Variants in TNFAIP8 observed in about 807,000 individuals in gnomAD.
The protein encoded by TNFAIP8 is tumor necrosis factor alpha-induced protein 8.
A neutral mutation model predicts 13.3 loss-of-function variants in TNFAIP8; 7 were observed. The observed-to-expected ratio is 0.52, with a 90% CI of 0.30 to 0.99. The LOEUF (loss-of-function observed/expected upper bound fraction) is 0.99. TNFAIP8 is among the 50% of genes least tolerant of loss of function. The pLI, the probability that TNFAIP8 is intolerant of heterozygous loss-of-function variation, is 0.07. For synonymous variants in TNFAIP8, 94 were observed against 87.6 expected, an observed-to-expected ratio of 1.07 and a Z score of -0.41; for missense variants, 258 against 236.9, an observed-to-expected ratio of 1.09 and a Z score of -0.58.
At chr5:119,368,284 G>T (rs766716950) in intron 1 of TNFAIP8, among the ~76,000 whole-genome samples, 9 of 151,646 alleles carry the variant, frequency 5.9e-5, no homozygotes, top group African/African-American at 2.2e-4. Flanking sequence ...TTGGCATCTT[G>T]TTGCCTACAG....
At position 119,392,854 on chromosome 5, in the gene TNFAIP8, C is replaced by G. The variant is rs1256683932; in HGVS notation, c.70C>G (p.Gln24Glu). Residue 24 changes from glutamine (Q) to glutamate (E), a missense_variant, in exon 2 of 2, where the codon CAG becomes GAG. Coordinates refer to ENST00000504771, the MANE Select transcript of TNFAIP8 (RefSeq NM_014350.4). Reference sequence around the variant, plus strand: ...CTTTAATTCCAAAAACCTGGCCGTTCAGGCACAAAAGAAGATCTTGGGTAA... The same window carrying G: ...CTTTAATTCCAAAAACCTGGCCGTTGAGGCACAAAAGAAGATCTTGGGTAA... ...DVFNSKNLAV[Q>E]AQKKILGKMV... 10 of 1,557,690 alleles carry G rather than the reference C, an allele frequency of 6.4e-6. No individual in the cohort carries two copies. The highest frequency in any genetic ancestry group is 8.7e-6 in the Non-Finnish European group (10 of 1,151,346).
intron 1 of TNFAIP8, among the ~76,000 whole-genome samples, chr5:119,345,323 TC>T (rs1374202421): frequency 6.6e-6 from 1 of 152,158 alleles, no homozygotes; most frequent in Non-Finnish European, 1.5e-5. Flanking sequence ...ATATGACAGT[TC>T]CTTTAAAAAT....
rs1319669733 is a variant in TNFAIP8 at position 119,399,508 on chromosome 5, T to A, written c.*6127T>A. 6.6e-6 allele frequency: 1 copy of A among 152,140 alleles called. No individual in the cohort carries two copies. Among genetic ancestry groups the A allele is most frequent in the Admixed American group, 6.5e-5 (1 of 15,270 alleles). 9.4% of individuals were successfully genotyped at this position (152,140 alleles called of 1,614,324 possible). A position where few individuals can be genotyped will look rare whatever the true frequency, so the allele number is the denominator to read the frequency against. The stretch of plus-strand genomic sequence containing the variant: ...AAAAGAAGACTGAGTCTAAAATAAA[T>A]GAAGCAACAGACTTCAGCAGCCTGA... On this transcript the variant is annotated 3_prime_UTR_variant, in exon 2 of 2. Coordinates refer to ENST00000504771, the MANE Select transcript of TNFAIP8 (RefSeq NM_014350.4).
At chr5:119,334,730 G>A (rs1360717521) in intron 1 of TNFAIP8, among the ~76,000 whole-genome samples, 3 of 150,778 alleles carry the variant, frequency 2.0e-5, no homozygotes, top group East Asian at 2.0e-4. Context: ...GCCGAGAATC[G>A]CACCACTGCA....
At chr5:119,368,937 G>C (rs927770760) in intron 1 of TNFAIP8, among the ~76,000 whole-genome samples, 1 of 151,988 alleles carries the variant, frequency 6.6e-6, no homozygotes, top group Non-Finnish European at 1.5e-5. Context: ...TAAAACTCCG[G>C]CCTTTTGAAA....
chr5:119,279,315 C>T (rs1361580677), intron 1 of TNFAIP8, among the ~76,000 whole-genome samples: 1 of 152,196 alleles, frequency 6.6e-6, no homozygotes, highest in Non-Finnish European at 1.5e-5. Context: ...CCCTCTTTTT[C>T]TGTGAACTCT....
intron 1 of TNFAIP8, among the ~76,000 whole-genome samples, chr5:119,318,275 T>C (rs1749956992): frequency 6.6e-6 from 1 of 151,876 alleles, no homozygotes; most frequent in Non-Finnish European, 1.5e-5. Context: ...TATATCAGCC[T>C]TTTGTTCTAG....
chr5:119,377,332 G>A (rs1326678276), intron 1 of TNFAIP8, among the ~76,000 whole-genome samples: 1 of 151,754 alleles, frequency 6.6e-6, no homozygotes, highest in East Asian at 1.9e-4. Flanking sequence ...GAGCTTAGGA[G>A]GTCAGAGTGA....
chr5:119,377,415 A>C (rs555528593), intron 1 of TNFAIP8, among the ~76,000 whole-genome samples: 3 of 152,170 alleles, frequency 2.0e-5, no homozygotes, highest in Middle Eastern at 3.4e-3. Context: ...GTAAAAAAAA[A>C]ATAAAAAATA....
chr5:119,336,971 T>G (rs1750571398), intron 1 of TNFAIP8, among the ~76,000 whole-genome samples: 1 of 152,240 alleles, frequency 6.6e-6, no homozygotes, highest in Admixed American at 6.5e-5. Flanking sequence ...TTAGATCTTA[T>G]GACCATTGTC....
In TNFAIP8 at chr5:119,382,008, A is replaced by G. The variant is rs142770522; in HGVS notation, c.32-10808A>G. Among the ~76,000 whole-genome samples, 795 of 152,212 alleles carry G rather than the reference A, an allele frequency of 5.2e-3. 10 individuals carry two copies. Among genetic ancestry groups the G allele is most frequent in the African/African-American group, 0.018 (749 of 41,532 alleles). ...TTAACAAGCTATATATAATGTTTCAATTTTTTCTAAAATTCATAGGAGACA... is the reference window on the plus strand; with the variant it reads ...TTAACAAGCTATATATAATGTTTCAGTTTTTTCTAAAATTCATAGGAGACA... On this transcript the variant is annotated intron_variant, in intron 1 of 1. Coordinates refer to ENST00000504771, the MANE Select transcript of TNFAIP8 (RefSeq NM_014350.4).
At chr5:119,363,698 A>C (rs1308798074) in intron 1 of TNFAIP8, among the ~76,000 whole-genome samples, 1 of 152,176 alleles carries the variant, frequency 6.6e-6, no homozygotes, top group East Asian at 1.9e-4. Context: ...CAGTTTTCCA[A>C]ATTTCAGCGG....
intron 1 of TNFAIP8, among the ~76,000 whole-genome samples, chr5:119,342,060 C>T (rs1750756337): frequency 6.6e-6 from 1 of 151,974 alleles, no homozygotes; most frequent in African/African-American, 2.4e-5. Context: ...AGGGAAGGAA[C>T]AAAGAGATGA....
intron 1 of TNFAIP8, among the ~76,000 whole-genome samples, chr5:119,383,111 A>G (rs1401957173): frequency 6.6e-6 from 1 of 152,178 alleles, no homozygotes; most frequent in African/African-American, 2.4e-5. Context: ...TTTCCCCCAT[A>G]AGACTCTTTT....
At chr5:119,289,771 T>G (rs1370726376) in intron 1 of TNFAIP8, among the ~76,000 whole-genome samples, 1 of 152,172 alleles carries the variant, frequency 6.6e-6, no homozygotes, top group African/African-American at 2.4e-5. Flanking sequence ...AAAGCCAGAG[T>G]GGGAGAAAAG....
chr5:119,335,218 C>T (rs1392604633), intron 1 of TNFAIP8, among the ~76,000 whole-genome samples: 1 of 152,112 alleles, frequency 6.6e-6, no homozygotes, highest in Admixed American at 6.5e-5. Context: ...TTTCCCAATT[C>T]AGGATAAACT....
chr5:119,343,975 A>G (rs1356038449), intron 1 of TNFAIP8, among the ~76,000 whole-genome samples: 2 of 152,062 alleles, frequency 1.3e-5, no homozygotes, highest in African/African-American at 2.4e-5. Context: ...ACTCATATCT[A>G]TGTGTGTGTG....
chr5:119,322,238 G>GTTA (rs1252563036), intron 1 of TNFAIP8, among the ~76,000 whole-genome samples: 3 of 152,132 alleles, frequency 2.0e-5, no homozygotes, highest in Non-Finnish European at 4.4e-5. Context: ...CAGCTATTTT[G>GTTA]TTAGAACTTT....
chr5:119,272,000 A>G (rs180801251), intron 1 of TNFAIP8, among the ~76,000 whole-genome samples: 2 of 152,270 alleles, frequency 1.3e-5, no homozygotes, highest in Admixed American at 6.5e-5. Context: ...TCTATACTTC[A>G]GTTGTGCTGC....
Sources: allele counts gnomAD v4.1 joint callset (sites outside exome capture counted in the v4.1 genomes callset), GRCh38; gene constraint gnomAD v4.1.1; transcripts MANE v1.5; gene names NCBI Gene and HGNC (gene_info 2026-07-23, HGNC 2026-07-21).